Variants in FGGY observed in about 807,000 individuals in gnomAD.
The protein encoded by FGGY is FGGY carbohydrate kinase domain containing, also known as FGGY carbohydrate kinase domain-containing protein.
Under a neutral mutation model 71.3 loss-of-function variants are expected in FGGY, and 72 were observed. The ratio of observed to expected loss-of-function variants is 1.01; its 90% CI spans 0.84 to 1.23. FGGY has a LOEUF of 1.23. FGGY is among the 50% of genes most tolerant of loss of function. The pLI, the probability that FGGY is intolerant of heterozygous loss-of-function variation, is 0.00. For synonymous variants in FGGY, 251 were observed against 250.3 expected (o/e 1.00, Z -0.02); for missense variants, 668 against 682.3 (o/e 0.98, Z 0.23).
chr1:59,598,885 C>T (rs929671925), intron 8 of FGGY, among the ~76,000 whole-genome samples: 1 of 152,184 alleles, frequency 6.6e-6, no homozygotes, highest in African/African-American at 2.4e-5. Flanking sequence ...CAAACAGGTA[C>T]ACATTACCTG....
At chr1:59,447,021 T>C (rs745913022) in intron 5 of FGGY, among the ~76,000 whole-genome samples, 9 of 152,238 alleles carry the variant, frequency 5.9e-5, no homozygotes, top group Non-Finnish European at 1.3e-4. Flanking sequence ...TTGTTTGTGC[T>C]GAGGCTACTT....
rs574076437 is a variant in FGGY at position 59,334,624 on chromosome 1, G to T, written c.202-5334G>T. Among the ~76,000 whole-genome samples the T allele has an allele frequency of 1.6e-4, 24 of 152,082 alleles. No individual in the cohort carries two copies. The South Asian group carries it at 5.0e-3, about 32-fold the overall frequency. On this transcript the variant is annotated intron_variant, in intron 2 of 15. Transcript: ENST00000303721. ...TTTTTTGGACATTTCTCATAATTAT[G>T]TGAAGCTCTTGTTTGAGGAACATGT...
At chr1:59,611,669 GAGA>G (rs1558539501) in intron 9 of FGGY, among the ~76,000 whole-genome samples, 1 of 152,238 alleles carries the variant, frequency 6.6e-6, no homozygotes, top group Non-Finnish European at 1.5e-5. Flanking sequence ...GACGAGTTGA[GAGA>G]AGAAGGCTTC....
intron 14 of FGGY, among the ~76,000 whole-genome samples, chr1:59,752,024 C>G (rs931045581): frequency 1.5e-4 from 23 of 152,338 alleles, no homozygotes; most frequent in African/African-American, 5.5e-4. Flanking sequence ...CTCCCACTCT[C>G]CTCACAAGAA....
At chr1:59,713,417 A>G (rs2097815527) in intron 14 of FGGY, among the ~76,000 whole-genome samples, 1 of 152,114 alleles carries the variant, frequency 6.6e-6, no homozygotes, top group Admixed American at 6.6e-5. Context: ...GCACCAATTT[A>G]ATGGGTGACA....
chr1:59,501,414 T>A (rs2094217998), intron 6 of FGGY, among the ~76,000 whole-genome samples: 1 of 151,432 alleles, frequency 6.6e-6, no homozygotes, highest in African/African-American at 2.4e-5. Flanking sequence ...GATCTTTGTA[T>A]TTGATTGTGA....
At chr1:59,455,028 G>A (rs2091548494) in intron 5 of FGGY, among the ~76,000 whole-genome samples, 1 of 152,170 alleles carries the variant, frequency 6.6e-6, no homozygotes, top group Non-Finnish European at 1.5e-5. Context: ...CCATGTAATG[G>A]ACAAACGATT....
chr1:59,747,587 C>T (rs1479165588), intron 14 of FGGY, among the ~76,000 whole-genome samples: 1 of 152,142 alleles, frequency 6.6e-6, no homozygotes, highest in Non-Finnish European at 1.5e-5. Flanking sequence ...GCAAAGACTT[C>T]AGAGATAATT....
At chr1:59,544,129 CT>C (rs2095486803) in intron 7 of FGGY, among the ~76,000 whole-genome samples, 1 of 152,106 alleles carries the variant, frequency 6.6e-6, no homozygotes, top group South Asian at 2.1e-4. Flanking sequence ...AGGTTCATAG[CT>C]GGGGCCCTTT....
intron 13 of FGGY, among the ~76,000 whole-genome samples, chr1:59,672,839 A>G (rs1319809926): frequency 2.0e-5 from 3 of 152,232 alleles, no homozygotes; most frequent in Non-Finnish European, 2.9e-5. Context: ...TCTCCCGATT[A>G]GCAGACTAAT....
chr1:59,711,742 C>T (rs1345048197), intron 14 of FGGY, among the ~76,000 whole-genome samples: 3 of 152,142 alleles, frequency 2.0e-5, no homozygotes, highest in South Asian at 2.1e-4. Context: ...TCAGATCTTG[C>T]GAGACCCATT....
chr1:59,367,325 A>G (rs2056762818), intron 4 of FGGY, among the ~76,000 whole-genome samples: 1 of 152,236 alleles, frequency 6.6e-6, no homozygotes, highest in Non-Finnish European at 1.5e-5. Context: ...TAAGAATGAC[A>G]TTGAAGATTA....
rs114453906 is a variant in FGGY, at chr1:59,703,533, G to A, written c.1512+29400G>A. Among the ~76,000 whole-genome samples, 668 of 152,266 alleles carry A rather than the reference G, an allele frequency of 4.4e-3. 5 individuals carry two copies. The highest frequency in any genetic ancestry group is 0.015 in the African/African-American group (641 of 41,530). ...CCACCATGTCACCCAGCTACCACAA[G>A]GCTGCCATTGCACAGTTTTGAAAGG... On this transcript the variant is annotated intron_variant, in intron 14 of 15. Transcript: ENST00000303721.
intron 4 of FGGY, among the ~76,000 whole-genome samples, chr1:59,347,887 T>C (rs2052416909): frequency 6.6e-6 from 1 of 152,156 alleles, no homozygotes; most frequent in African/African-American, 2.4e-5. Context: ...ATTCAGGACA[T>C]AGGTATGGGC....
At chr1:59,749,743 C>T (rs775386416) in intron 14 of FGGY, among the ~76,000 whole-genome samples, 8 of 152,068 alleles carry the variant, frequency 5.3e-5, no homozygotes, top group Non-Finnish European at 7.4e-5. Flanking sequence ...TGTGTTTTAC[C>T]TCAAATAACT....
intron 14 of FGGY, among the ~76,000 whole-genome samples, chr1:59,736,442 A>T (rs947365004): frequency 1.3e-5 from 2 of 152,116 alleles, no homozygotes; most frequent in Non-Finnish European, 2.9e-5. Flanking sequence ...GACTTGTTGA[A>T]TGGCTTTGCC....
intron 5 of FGGY, among the ~76,000 whole-genome samples, chr1:59,417,463 A>T (rs1203185564): frequency 6.6e-6 from 1 of 152,214 alleles, no homozygotes; most frequent in Non-Finnish European, 1.5e-5. Flanking sequence ...GCCTATTAGA[A>T]GGAGTGGAAT....
chr1:59,512,223 G>T, intron 6 of FGGY, 88 bp from the exon 7 acceptor site: 1 of 1,386,028 alleles, frequency 7.2e-7, no homozygotes, highest in South Asian at 1.5e-5. Flanking sequence ...AGGGAGGAGA[G>T]AGCAAAGAGT....
At chr1:59,599,672 G>A (rs1047286967) in intron 8 of FGGY, among the ~76,000 whole-genome samples, 2 of 131,912 alleles carry the variant, frequency 1.5e-5, no homozygotes, top group Non-Finnish European at 1.6e-5. Flanking sequence ...TCAGCTGGGG[G>A]ACAGAGCAAG....
Sources: allele counts gnomAD v4.1 joint callset (sites outside exome capture counted in the v4.1 genomes callset), GRCh38; gene constraint gnomAD v4.1.1; transcripts MANE v1.5; gene names NCBI Gene and HGNC (gene_info 2026-07-23, HGNC 2026-07-21).